The following DPP4 variants were observed in gnomAD, a reference collection of about 807,000 sequenced individuals.
The protein encoded by DPP4 is dipeptidyl peptidase 4.
Under a neutral mutation model 122.4 loss-of-function variants are expected in DPP4, and 93 were observed. That is an observed-to-expected ratio of 0.76 (90% confidence interval 0.64 to 0.90). The LOEUF is 0.90. DPP4 is among the 40% of genes least tolerant of loss of function. The pLI, the probability that DPP4 is intolerant of heterozygous loss-of-function variation, is 0.00. For synonymous variants in DPP4, 321 were observed against 302.9 expected (o/e 1.06, Z -0.62); for missense variants, 914 against 907.3 (o/e 1.01, Z -0.09).
intron 2 of DPP4, among the ~76,000 whole-genome samples, chr2:162,065,658 G>A (rs1156761080): frequency 6.6e-6 from 1 of 152,192 alleles, no homozygotes; most frequent in Non-Finnish European, 1.5e-5. Context: ...GCATGCCTCA[G>A]AGCCAGTTTG....
rs577376210 is a variant in DPP4, at chr2:162,049,453, A to C, written c.95-1952T>G. On this transcript the variant is annotated intron_variant, in intron 2 of 25. Transcript: ENST00000360534. ...GAGAACACATGGACATATGGCGAGG[A>C]ACAACCAACACTGAGGCCTGTTGGG... Among the ~76,000 whole-genome samples the C allele has an allele frequency of 3.9e-5, 6 of 151,902 alleles. No individual in the cohort carries two copies. The South Asian group carries it at 8.4e-4, about 21-fold the overall frequency.
At position 162,042,037 on chromosome 2, in the gene DPP4, A is replaced by T. The variant is rs200188991; in HGVS notation, c.367-2853T>A. Among the ~76,000 whole-genome samples, 4 of 152,196 alleles carry T rather than the reference A, an allele frequency of 2.6e-5. No homozygotes were observed. The East Asian group carries it at 7.7e-4, about 29-fold the overall frequency. Reference sequence around the variant, plus strand: ...TGATTCTTTGGCTGAGGTTAGTGACAGAGGGTGACTGGGAAAGAGTAAAAG... The same window carrying T: ...TGATTCTTTGGCTGAGGTTAGTGACTGAGGGTGACTGGGAAAGAGTAAAAG... On this transcript the variant is annotated intron_variant, in intron 5 of 25. Coordinates refer to ENST00000360534, the MANE Select transcript of DPP4 (RefSeq NM_001935.4).
intron 14 of DPP4, among the ~76,000 whole-genome samples, chr2:162,019,838 A>G (rs754647609): frequency 6.6e-6 from 1 of 152,196 alleles, no homozygotes; most frequent in Non-Finnish European, 1.5e-5. Context: ...AGCCTCTGCA[A>G]AGCTTTCCAT....
intron 10 of DPP4, among the ~76,000 whole-genome samples, chr2:162,025,510 G>A (rs1683293252): frequency 1.3e-5 from 2 of 152,058 alleles, no homozygotes; most frequent in Admixed American, 1.3e-4. Flanking sequence ...GTCAAAACAT[G>A]AACTCTGCAA....
chr2:162,067,269 G>A (rs570470628), intron 2 of DPP4, among the ~76,000 whole-genome samples: 2 of 152,216 alleles, frequency 1.3e-5, no homozygotes, highest in South Asian at 4.2e-4. Context: ...AAGAAAAGAG[G>A]GTTCCAGCCT....
At chr2:162,032,114 G>A (rs1683568911) in intron 10 of DPP4, 1 of 152,164 alleles carries the variant, frequency 6.6e-6, no homozygotes, top group South Asian at 2.1e-4. Flanking sequence ...TGCTGTGATG[G>A]TGCCTTCAGG....
chr2:162,047,323 C>T, intron 3 of DPP4, 80 bp downstream of exon 3: 1 of 775,446 alleles, frequency 1.3e-6, no homozygotes, highest in Non-Finnish European at 2.0e-6. Context: ...TACCTCTTCT[C>T]AGTGCCATAA....
Position 161,995,358 on chromosome 2 carries a change from C to T in DPP4, c.2067G>A (p.Met689Ile). 1 of 1,613,832 alleles carries T rather than the reference C, an allele frequency of 6.2e-7. No individual in the cohort carries two copies. Reference sequence around the variant, plus strand: ...CTTGTTTAAAATTTTCAGCTCTGCTCATGACTGTTGAATTCTGGAATTGGG... The same window carrying T: ...CTTGTTTAAAATTTTCAGCTCTGCTTATGACTGTTGAATTCTGGAATTGGG... ...NLDHYRNSTV[M>I]SRAENFKQVE... The change falls in exon 24 of 26, where the codon ATG becomes ATA. Residue 689 changes from methionine (M) to isoleucine (I), a missense_variant. Met to Ile is a conservative substitution (Grantham distance 10). Coordinates refer to ENST00000360534, the MANE Select transcript of DPP4 (RefSeq NM_001935.4).
chr2:162,034,426 C>A (rs1576054096), intron 9 of DPP4, among the ~76,000 whole-genome samples: 1 of 151,978 alleles, frequency 6.6e-6, no homozygotes, highest in Non-Finnish European at 1.5e-5. Context: ...AAAATGGCAG[C>A]TCTTCATAAA....
intron 2 of DPP4, among the ~76,000 whole-genome samples, chr2:162,055,921 T>C (rs975210257): frequency 6.6e-5 from 10 of 152,114 alleles, no homozygotes; most frequent in Non-Finnish European, 1.2e-4. Context: ...TCCTCCTCTT[T>C]TGCCTTTCCA....
intron 23 of DPP4, among the ~76,000 whole-genome samples, chr2:161,997,525 C>T (rs1213635496): frequency 6.6e-6 from 1 of 152,138 alleles, no homozygotes. Flanking sequence ...CTTGCAGTGT[C>T]CACTATATTT....
At chr2:162,021,118 T>C (rs1021149287) in intron 12 of DPP4, among the ~76,000 whole-genome samples, 3 of 152,042 alleles carry the variant, frequency 2.0e-5, no homozygotes, top group Admixed American at 2.0e-4. Context: ...AGGTTGGGGG[T>C]GGTTTGCAAT....
Position 162,025,844 on chromosome 2 carries a change from G to A in DPP4, c.888-905C>T, listed in dbSNP as rs145264274. Among the ~76,000 whole-genome samples, 905 of 152,020 alleles carry A rather than the reference G, an allele frequency of 6.0e-3. 7 individuals are homozygous for A. The highest frequency in any genetic ancestry group is 0.02 in the African/African-American group (830 of 41,454). On this transcript the variant is annotated intron_variant, in intron 10 of 25. Coordinates refer to ENST00000360534, the MANE Select transcript of DPP4 (RefSeq NM_001935.4). ...TGAGTGTGTTCATCTCCCTCTTCCCGCCTGGTCTGGTGGCTGTATCTCCTC... is the reference window on the plus strand; with the variant it reads ...TGAGTGTGTTCATCTCCCTCTTCCCACCTGGTCTGGTGGCTGTATCTCCTC...
At chr2:162,035,608 C>A (rs760977427) in intron 8 of DPP4, among the ~76,000 whole-genome samples, 1 of 152,082 alleles carries the variant, frequency 6.6e-6, no homozygotes, top group Non-Finnish European at 1.5e-5. Context: ...ATCTTATAAT[C>A]CTCTAAATTT....
chr2:162,010,196 C>T (rs907418382), intron 20 of DPP4, among the ~76,000 whole-genome samples: 1 of 152,188 alleles, frequency 6.6e-6, no homozygotes, highest in African/African-American at 2.4e-5. Flanking sequence ...GGCAGACATA[C>T]AGCAATGTGC....
chr2:162,015,222 A>T (rs1682866436), intron 18 of DPP4, among the ~76,000 whole-genome samples: 1 of 152,240 alleles, frequency 6.6e-6, no homozygotes, highest in African/African-American at 2.4e-5. Flanking sequence ...ACTGTAGGCA[A>T]AAAAATTCTT....
intron 23 of DPP4, among the ~76,000 whole-genome samples, chr2:161,996,897 T>G (rs914278315): frequency 6.6e-6 from 1 of 152,206 alleles, no homozygotes. Context: ...GTATTCACCT[T>G]AAACAAGGGT....
At chr2:162,042,144 G>A (rs1324320867) in intron 5 of DPP4, among the ~76,000 whole-genome samples, 3 of 152,188 alleles carry the variant, frequency 2.0e-5, no homozygotes, top group African/African-American at 7.2e-5. Context: ...TTCTAACCTG[G>A]ATTCAGGCTT....
intron 10 of DPP4, among the ~76,000 whole-genome samples, chr2:162,033,118 G>C (rs1446312490): frequency 6.6e-6 from 1 of 152,072 alleles, no homozygotes; most frequent in Non-Finnish European, 1.5e-5. Flanking sequence ...GGTGTGGATG[G>C]AGCCCTCCTG....
Sources: gnomAD v4.1 joint callset for allele counts (sites outside exome capture counted in the v4.1 genomes callset) on GRCh38, gnomAD v4.1.1 for gene constraint, MANE v1.5 for transcripts, NCBI Gene and HGNC (gene_info 2026-07-23, HGNC 2026-07-21) for gene names.